The following ECT2L variants were observed in gnomAD, a reference collection of about 807,000 sequenced individuals.
The protein encoded by ECT2L is epithelial cell-transforming sequence 2 oncogene-like.
In ECT2L, 126 loss-of-function variants were observed where a neutral mutation model predicts 122.8. The observed-to-expected ratio is 1.03, with a 90% CI of 0.89 to 1.19. The LOEUF (loss-of-function observed/expected upper bound fraction) is 1.19, where lower values mean the gene tolerates loss of function less well. Among genes scored for constraint, ECT2L ranks in the 50% most tolerant of loss-of-function variants. ECT2L has a pLI of 0.00. For missense variants in ECT2L, 1,012 were observed against 1,064.1 expected, an observed-to-expected ratio of 0.95 and a Z score of 0.68; for synonymous variants, 385 against 381.8, an observed-to-expected ratio of 1.01 and a Z score of -0.10.
At chr6:138,853,275 T>C (rs1413582108) in intron 9 of ECT2L, among the ~76,000 whole-genome samples, 1 of 152,164 alleles carries the variant, frequency 6.6e-6, no homozygotes, top group Non-Finnish European at 1.5e-5. Flanking sequence ...CCTTATTTTG[T>C]TTTTCTTAAG....
rs1036933336 is a variant in ECT2L, at chr6:138,902,967, ATG to A, written c.*341_*342del. 5 of 240,974 alleles carry A rather than the reference ATG, an allele frequency of 2.1e-5. No individual in the cohort carries two copies. The highest frequency in any genetic ancestry group is 1.2e-4 in the African/African-American group (5 of 42,374). 14.9% of individuals were successfully genotyped at this position (240,974 alleles called of 1,614,324 possible). A position where few individuals can be genotyped will look rare whatever the true frequency, so the allele number is the denominator to read the frequency against. On this transcript the variant is annotated 3_prime_UTR_variant, in exon 22 of 22. Transcript: ENST00000541398. ...TTTATGATCTAATGAAAAAAGCAGA[ATG>A]AAAGTGTTTCTTAAGTGATCAGTCT...
intron 7 of ECT2L, 37 bp downstream of exon 7, chr6:138,844,617 T>C: frequency 6.3e-7 from 1 of 1,584,314 alleles, no homozygotes; most frequent in Non-Finnish European, 8.6e-7. Flanking sequence ...CTCAACACCA[T>C]CCCAATACCA....
intron 6 of ECT2L, among the ~76,000 whole-genome samples, chr6:138,844,163 C>G (rs181307382): frequency 6.6e-6 from 1 of 152,320 alleles, no homozygotes; most frequent in African/African-American, 2.4e-5. Context: ...ATTAACTGGT[C>G]CCCACTAGAA....
chr6:138,850,882 T>C (rs1777415084), intron 9 of ECT2L, among the ~76,000 whole-genome samples: 3 of 151,194 alleles, frequency 2.0e-5, no homozygotes, highest in South Asian at 4.2e-4. Context: ...ATGCCTGAAA[T>C]CCCAGCTACT....
chr6:138,875,697 T>G (rs1778418660), intron 13 of ECT2L, among the ~76,000 whole-genome samples: 1 of 152,256 alleles, frequency 6.6e-6, no homozygotes, highest in Non-Finnish European at 1.5e-5. Context: ...TTATGTGAAC[T>G]GTTTATGACA....
At chr6:138,884,517 A>G (rs1778746284) in intron 16 of ECT2L, among the ~76,000 whole-genome samples, 1 of 152,028 alleles carries the variant, frequency 6.6e-6, no homozygotes, top group African/African-American at 2.4e-5. Flanking sequence ...GGGCACCTGT[A>G]ATCCTAGCTA....
At chr6:138,866,149 GT>G (rs56300933) in intron 12 of ECT2L, among the ~76,000 whole-genome samples, 3,056 of 134,382 alleles carry the variant, frequency 0.023, 70 homozygotes, top group African/African-American at 0.064. Flanking sequence ...ATTTTTCATA[GT>G]TTTTTTTTTT....
chr6:138,837,902 CTTT>C (rs10708786), intron 4 of ECT2L, among the ~76,000 whole-genome samples: 17 of 140,684 alleles, frequency 1.2e-4, no homozygotes, highest in Non-Finnish European at 9.3e-5. Context: ...AAAGTGAATA[CTTT>C]TTTTTTTTTT....
At position 138,885,736 on chromosome 6, in the gene ECT2L, C is replaced by T; in HGVS notation, c.2165C>T (p.Ala722Val). Residue 722 changes from alanine to valine, a missense_variant, in exon 18 of 22, where the codon GCT (alanine) becomes GTT (valine). Coordinates refer to ENST00000541398, the MANE Select transcript of ECT2L (RefSeq NM_001077706.3). ...RFEEYLNLLY[A>V]VRLHTPAEHV... ...GAAGAATACCTTAATCTTCTCTACG[C>T]TGTCAGGCTTCATACCCCTGCAGAG... 3.7e-6 allele frequency: 6 copies of T among 1,614,190 alleles called. No homozygotes were observed. In the Middle Eastern group the frequency reaches 6.6e-4, roughly 178 times the overall value.
At chr6:138,868,059 T>G (rs1327222809) in intron 12 of ECT2L, 44 bp from the exon 13 acceptor site, 1 of 1,299,104 alleles carries the variant, frequency 7.7e-7, no homozygotes, top group East Asian at 2.4e-5. Context: ...AAATCACATT[T>G]CTTACATAAA....
chr6:138,838,973 G>T lies in ECT2L; in HGVS notation c.342+459G>T, dbSNP rs567450734. Among the ~76,000 whole-genome samples the T allele has an allele frequency of 9.2e-5, 14 of 152,258 alleles. No homozygotes were observed. In the East Asian group the frequency reaches 2.7e-3, roughly 29 times the overall value. On this transcript the variant is annotated intron_variant, in intron 5 of 21. Coordinates refer to ENST00000541398, the MANE Select transcript of ECT2L (RefSeq NM_001077706.3). ...ATTTTTGTATTTTTAGTAGAGACGG[G>T]GTTTTACCATGTTGGTCAGGCTTGT...
chr6:138,873,580 G>A (rs995589609), intron 13 of ECT2L, among the ~76,000 whole-genome samples: 7 of 152,184 alleles, frequency 4.6e-5, no homozygotes, highest in Admixed American at 4.6e-4. Context: ...GATCACCTGA[G>A]GTCAGGAGTT....
Position 138,862,608 on chromosome 6 carries a change from A to G in ECT2L, c.1199-19A>G, listed in dbSNP as rs1777875378. The G allele has an allele frequency of 1.2e-6, 2 of 1,609,856 alleles. No individual in the cohort carries two copies. On this transcript the variant is annotated intron_variant, in intron 10 of 21. Transcript: ENST00000541398. ...CAAAATATATGAGGAAACTAACGAA[A>G]GTGTTTTTGACTATGCAGAGGCAGG... is the stretch of plus-strand genomic sequence containing the variant.
rs956855535 is a variant in ECT2L at position 138,886,878 on chromosome 6, A to G, written c.2281A>G (p.Lys761Glu). 3 of 1,613,520 alleles carry G rather than the reference A, an allele frequency of 1.9e-6. No individual in the cohort carries two copies. Among genetic ancestry groups the G allele is most frequent in the Non-Finnish European group, 2.5e-6 (3 of 1,179,794 alleles). ...IDQMKQNITM[K>E]DHLSDIQRII... ...CTAGATGAAGCAAAACATCACTATGAAGGATCATCTGTCAGATATACAGAG... is the reference window on the plus strand; with the variant it reads ...CTAGATGAAGCAAAACATCACTATGGAGGATCATCTGTCAGATATACAGAG... Residue 761 changes from lysine (K) to glutamate (E), a missense_variant, in exon 19 of 22, where the codon AAG (lysine) becomes GAG (glutamate). Coordinates refer to ENST00000541398, the MANE Select transcript of ECT2L (RefSeq NM_001077706.3).
At chr6:138,815,344 G>T (rs1191966358) in intron 4 of ECT2L, among the ~76,000 whole-genome samples, 2 of 152,224 alleles carry the variant, frequency 1.3e-5, no homozygotes, top group East Asian at 3.9e-4. Flanking sequence ...GTTAGAAACG[G>T]ATTCTCTTTC....
Position 138,902,534 on chromosome 6 carries a change from A to G in ECT2L, c.2622A>G (p.Lys874=), listed in dbSNP as rs2128416606. Residue 874 remains lysine, a synonymous_variant, in exon 22 of 22, where the codon AAA becomes AAG. Transcript: ENST00000541398. ...VKNAFILQGP[K]YKWICATEIE... Reference sequence around the variant, plus strand: ...ATGCATTTATTCTTCAGGGTCCAAAATATAAATGGATTTGTGCTACAGAAA... The same window carrying G: ...ATGCATTTATTCTTCAGGGTCCAAAGTATAAATGGATTTGTGCTACAGAAA... 6.2e-7 allele frequency: 1 copy of G among 1,613,752 alleles called. No individual in the cohort carries two copies. The highest frequency in any genetic ancestry group is 1.3e-5 in the African/African-American group (1 of 75,042).
chr6:138,839,236 C>A (rs1312446490), intron 5 of ECT2L, among the ~76,000 whole-genome samples: 1 of 152,218 alleles, frequency 6.6e-6, no homozygotes, highest in African/African-American at 2.4e-5. Context: ...GATCTGTCAA[C>A]AGCAGTTGAA....
chr6:138,884,219 G>C (rs913990844), intron 16 of ECT2L, among the ~76,000 whole-genome samples: 1 of 152,182 alleles, frequency 6.6e-6, no homozygotes, highest in Admixed American at 6.5e-5. Context: ...GGTCTTAGCC[G>C]AAAGTCCAGT....
At chr6:138,858,809 G>A (rs1028068174) in intron 10 of ECT2L, among the ~76,000 whole-genome samples, 9 of 143,874 alleles carry the variant, frequency 6.3e-5, no homozygotes, top group African/African-American at 1.3e-4. Context: ...GGGGTCAAGC[G>A]ATCCTCCCAC....
Sources: allele counts gnomAD v4.1 joint callset (sites outside exome capture counted in the v4.1 genomes callset), GRCh38; gene constraint gnomAD v4.1.1; transcripts MANE v1.5; gene names NCBI Gene and HGNC (gene_info 2026-07-23, HGNC 2026-07-21).